DLGAP2: variants seen among roughly 807,000 people sequenced by gnomAD.
The protein encoded by DLGAP2 is DLG associated protein 2, also known as disks large-associated protein 2.
Under a neutral mutation model 100.3 loss-of-function variants are expected in DLGAP2, and 26 were observed. That is an observed-to-expected ratio of 0.26 (90% CI 0.19 to 0.36). The LOEUF is 0.36. DLGAP2 is among the 10% of genes least tolerant of loss of function. DLGAP2 has a pLI of 1.00. For missense variants in DLGAP2, 1,858 were observed against 1,453.2 expected, an observed-to-expected ratio of 1.28 and a Z score of -4.53; for synonymous variants, 886 against 630.1, an observed-to-expected ratio of 1.41 and a Z score of -6.08.
chr8:1,022,562 G>A (rs1801658183), intron 2 of DLGAP2, among the ~76,000 whole-genome samples: 1 of 142,816 alleles, frequency 7.0e-6, no homozygotes, highest in African/African-American at 2.6e-5. Flanking sequence ...GTCACGTGCC[G>A]AGGTAGACAC....
At chr8:1,131,517 C>T (rs1465625182) in intron 2 of DLGAP2, among the ~76,000 whole-genome samples, 3 of 152,178 alleles carry the variant, frequency 2.0e-5, no homozygotes, top group Admixed American at 2.0e-4. Context: ...ATAACCTCAT[C>T]CCACCCGAAT....
chr8:1,410,026 G>T (rs1045768816), intron 3 of DLGAP2, among the ~76,000 whole-genome samples: 1 of 152,166 alleles, frequency 6.6e-6, no homozygotes, highest in Admixed American at 6.5e-5. Flanking sequence ...TGACCGATAC[G>T]TGCTGCAGGT....
rs377473670 is a variant in DLGAP2 at position 1,565,642 on chromosome 8, G to T, written c.1231-41G>T. 11 of 1,545,836 alleles carry T rather than the reference G, an allele frequency of 7.1e-6. No homozygotes were observed. The Admixed American group carries it at 7.4e-5, about 10-fold the overall frequency. On this transcript the variant is annotated intron_variant, in intron 5 of 14. Transcript: ENST00000637795. ...AAAGGAGCTGATGCTGCCGTTCTCAGTGACAAAGTTGATGCGTGTTTCATG... is the reference window on the plus strand; with the variant it reads ...AAAGGAGCTGATGCTGCCGTTCTCATTGACAAAGTTGATGCGTGTTTCATG...
chr8:1,178,495 T>C (rs2116696258), intron 2 of DLGAP2, among the ~76,000 whole-genome samples: 1 of 152,300 alleles, frequency 6.6e-6, no homozygotes, highest in East Asian at 1.9e-4. Flanking sequence ...CAGCTGAACA[T>C]AAATATCAAG....
rs763212818 is a variant in DLGAP2, at chr8:1,583,590, G to T, written c.1442+17696G>T. 5.3e-5 allele frequency among the ~76,000 whole-genome samples: 8 copies of T among 152,320 alleles called. No homozygotes were observed. The South Asian group carries it at 1.5e-3, about 28-fold the overall frequency. On this transcript the variant is annotated intron_variant, in intron 6 of 14. Coordinates refer to ENST00000637795, the MANE Select transcript of DLGAP2 (RefSeq NM_001346810.2). ...TTTTGCAGAATCCATCTAGAAAGAT[G>T]AAAGACCCTTCAGAGCCACTTCCTG...
At chr8:1,210,488 T>C (rs1288884447) in intron 2 of DLGAP2, among the ~76,000 whole-genome samples, 2 of 152,188 alleles carry the variant, frequency 1.3e-5, no homozygotes, top group Non-Finnish European at 2.9e-5. Context: ...GCTCAAGCCC[T>C]GAGGCGGGCA....
chr8:1,258,131 C>A (rs1412266454), intron 2 of DLGAP2, among the ~76,000 whole-genome samples: 1 of 152,160 alleles, frequency 6.6e-6, no homozygotes, highest in African/African-American at 2.4e-5. Context: ...ACTCAATACC[C>A]ATGGATTTTA....
At chr8:1,012,015 G>A (rs1297696894) in intron 2 of DLGAP2, among the ~76,000 whole-genome samples, 1 of 152,220 alleles carries the variant, frequency 6.6e-6, no homozygotes, top group Non-Finnish European at 1.5e-5. Flanking sequence ...CAGGGGCATG[G>A]CTTTCACAGA....
chr8:1,094,671 T>C (rs1421755112), intron 2 of DLGAP2, among the ~76,000 whole-genome samples: 1 of 152,228 alleles, frequency 6.6e-6, no homozygotes, highest in African/African-American at 2.4e-5. Context: ...AAATGCCCTC[T>C]GTTTTGTGTC....
rs374352421 is a variant in DLGAP2, at chr8:1,172,638, C to T, written c.74-86213C>T. On this transcript the variant is annotated intron_variant, in intron 2 of 14. Coordinates refer to ENST00000637795, the MANE Select transcript of DLGAP2 (RefSeq NM_001346810.2). ...TCTCACTTCATTTCATTCATTTCAT[C>T]TTCCATCGCTGATACCCTTTCTTCC... Among the ~76,000 whole-genome samples, 123 of 152,226 alleles carry T rather than the reference C, an allele frequency of 8.1e-4. No individual in the cohort carries two copies. The East Asian group carries it at 0.023, about 28-fold the overall frequency.
chr8:1,221,745 G>A (rs1412898053), intron 2 of DLGAP2, among the ~76,000 whole-genome samples: 1 of 152,108 alleles, frequency 6.6e-6, no homozygotes, highest in Admixed American at 6.6e-5. Flanking sequence ...CGAGTCATAG[G>A]TTTGCTCTCT....
chr8:878,781 A>G (rs898199654), intron 1 of DLGAP2, among the ~76,000 whole-genome samples: 2 of 152,162 alleles, frequency 1.3e-5, no homozygotes, highest in African/African-American at 2.4e-5. Flanking sequence ...CTCTTTCACA[A>G]GGCCCACTTC....
intron 1 of DLGAP2, among the ~76,000 whole-genome samples, chr8:840,050 C>T (rs1796953688): frequency 1.5e-5 from 1 of 68,820 alleles, no homozygotes; most frequent in Non-Finnish European, 2.8e-5. Flanking sequence ...CGGTGCACGC[C>T]TGCACGTCTC....
intron 6 of DLGAP2, among the ~76,000 whole-genome samples, chr8:1,624,450 C>T (rs1372818578): frequency 1.3e-5 from 2 of 151,978 alleles, no homozygotes; most frequent in African/African-American, 4.8e-5. Context: ...TAAACACGCA[C>T]AGGCACGTGG....
intron 2 of DLGAP2, among the ~76,000 whole-genome samples, chr8:1,209,958 T>C (rs1015860556): frequency 6.6e-6 from 1 of 152,196 alleles, no homozygotes; most frequent in Non-Finnish European, 1.5e-5. Flanking sequence ...AGAAATTTTA[T>C]CTTTTTAGCA....
At chr8:1,635,634 C>T (rs755701782) in intron 8 of DLGAP2, among the ~76,000 whole-genome samples, 1 of 152,026 alleles carries the variant, frequency 6.6e-6, no homozygotes, top group Non-Finnish European at 1.5e-5. Context: ...AAAGTGAGTA[C>T]CTTGAAGAAC....
chr8:921,073 A>G (rs1243978106), intron 2 of DLGAP2, among the ~76,000 whole-genome samples: 1 of 152,170 alleles, frequency 6.6e-6, no homozygotes, highest in Non-Finnish European at 1.5e-5. Context: ...TCGCAACTTG[A>G]TGCAGATTTA....
intron 1 of DLGAP2, among the ~76,000 whole-genome samples, chr8:904,156 G>A (rs898443568): frequency 2.0e-5 from 3 of 152,238 alleles, no homozygotes; most frequent in Non-Finnish European, 4.4e-5. Context: ...CGTAGCCTGT[G>A]AGCATGTGGT....
intron 3 of DLGAP2, among the ~76,000 whole-genome samples, chr8:1,426,533 C>T (rs1338551576): frequency 1.3e-5 from 2 of 152,094 alleles, no homozygotes; most frequent in Admixed American, 1.3e-4. Flanking sequence ...GGGAATTGAC[C>T]AGGATAACAT....
Sources: gnomAD v4.1 joint callset for allele counts (sites outside exome capture counted in the v4.1 genomes callset) on GRCh38, gnomAD v4.1.1 for gene constraint, MANE v1.5 for transcripts, NCBI Gene and HGNC (gene_info 2026-07-23, HGNC 2026-07-21) for gene names.